Variants in VGLL4 observed in about 807,000 individuals in gnomAD.
VGLL4 encodes transcription cofactor vestigial-like protein 4.
VGLL4 carries 7 observed loss-of-function variants against 21.0 expected under a neutral mutation model. The observed-to-expected ratio is 0.33, with a 90% CI of 0.19 to 0.63. The LOEUF (loss-of-function observed/expected upper bound fraction) is 0.63, where lower values mean the gene tolerates loss of function less well. Ranked by LOEUF, VGLL4 falls within the 20% of genes least tolerant of loss-of-function variation. The pLI, the probability that VGLL4 is intolerant of heterozygous loss-of-function variation, is 0.78. For synonymous variants in VGLL4, 222 were observed against 173.2 expected, an observed-to-expected ratio of 1.28 and a Z score of -2.21; for missense variants, 394 against 425.7, an observed-to-expected ratio of 0.93 and a Z score of 0.66.
chr3:11,644,408 A>G (rs1216998632), upstream of VGLL4, among the ~76,000 whole-genome samples: 2 of 152,168 alleles, frequency 1.3e-5, no homozygotes, highest in African/African-American at 4.8e-5. Context: ...CATAATCCCC[A>G]TAACAACTGA....
At chr3:11,613,730 T>G (rs17833547) in intron 1 of VGLL4, among the ~76,000 whole-genome samples, 7 of 152,142 alleles carry the variant, frequency 4.6e-5, no homozygotes, top group Non-Finnish European at 8.8e-5. Context: ...TGCGAATCAA[T>G]GAGAATTCAT....
chr3:11,672,003 G>A (rs2076224442), intron 2 of VGLL4, among the ~76,000 whole-genome samples: 1 of 152,154 alleles, frequency 6.6e-6, no homozygotes. Context: ...TGCTTGCCAG[G>A]TAGATGCAAC....
intron 1 of VGLL4, among the ~76,000 whole-genome samples, chr3:11,717,522 T>C: frequency 8.1e-6 from 1 of 122,972 alleles, no homozygotes; most frequent in South Asian, 2.8e-4. Context: ...TTTGGTACAG[T>C]TGGGAGCCGG....
intron 2 of VGLL4, among the ~76,000 whole-genome samples, chr3:11,594,930 G>A (rs577162890): frequency 1.3e-5 from 2 of 152,368 alleles, no homozygotes; most frequent in South Asian, 4.1e-4. Context: ...GGGAGGCCGA[G>A]GCGGGCGGAT....
chr3:11,592,764 C>T (rs2074533003), intron 2 of VGLL4, among the ~76,000 whole-genome samples: 1 of 152,252 alleles, frequency 6.6e-6, no homozygotes, highest in East Asian at 1.9e-4. Context: ...TGACCCTGAA[C>T]AAGTTACAGA....
At chr3:11,712,064 T>C (rs928360277) in intron 1 of VGLL4, among the ~76,000 whole-genome samples, 2 of 152,224 alleles carry the variant, frequency 1.3e-5, no homozygotes, top group East Asian at 3.9e-4. Flanking sequence ...CACCCCTCTC[T>C]GCTCTTCTTG....
chr3:11,558,760 C>T lies in VGLL4; in HGVS notation c.687G>A (p.Glu229=), dbSNP rs1232437715. The change falls in exon 5 of 5, where the codon GAG becomes GAA. Residue 229 remains glutamate, a synonymous_variant. Transcript: ENST00000430365. The part of the protein sequence containing the change: ...FRRSLGKNYK[E]PEPAPNSVSI... ...ACACGGAGTTGGGTGCCGGCTCGGG[C>T]TCCTTGTAATTCTTGCCCAGGCTCC... 3 of 1,614,138 alleles carry T rather than the reference C, an allele frequency of 1.9e-6. No individual in the cohort carries two copies. Among genetic ancestry groups the T allele is most frequent in the Non-Finnish European group, 2.5e-6 (3 of 1,180,020 alleles).
At chr3:11,676,418 AT>A (rs2076293820) in intron 2 of VGLL4, among the ~76,000 whole-genome samples, 1 of 34,212 alleles carries the variant, frequency 2.9e-5, no homozygotes, top group African/African-American at 6.6e-5. Context: ...AAATAAAATA[AT>A]AATAATAATA....
rs190115423 is a variant in VGLL4 at position 11,715,372 on chromosome 3, C to T, written c.-14+5022G>A. 2.6e-3 allele frequency among the ~76,000 whole-genome samples: 396 copies of T among 152,150 alleles called. 2 individuals are homozygous for T. Among genetic ancestry groups the T allele is most frequent in the African/African-American group, 9.0e-3 (372 of 41,510 alleles). Reference sequence around the variant, plus strand: ...TTTTTGAGATGGAGCCTTGATCTGTCGCCTAGGCTGGAGTGCAATGGTGCG... The same window carrying T: ...TTTTTGAGATGGAGCCTTGATCTGTTGCCTAGGCTGGAGTGCAATGGTGCG... On this transcript the variant is annotated intron_variant, in intron 1 of 5. Transcript: ENST00000273038.
At chr3:11,716,556 A>G (rs2076922019) in intron 1 of VGLL4, among the ~76,000 whole-genome samples, 1 of 152,198 alleles carries the variant, frequency 6.6e-6, no homozygotes, top group African/African-American at 2.4e-5. Context: ...ACAAATTTAT[A>G]AACATGGAAC....
chr3:11,616,653 T>G lies in VGLL4; in HGVS notation c.83-14631A>C, dbSNP rs192664751. Among the ~76,000 whole-genome samples the G allele has an allele frequency of 3.3e-4, 50 of 152,282 alleles. 1 individual carries two copies. Among genetic ancestry groups the G allele is most frequent in the Admixed American group, 1.9e-3 (29 of 15,306 alleles). On this transcript the variant is annotated intron_variant, in intron 1 of 4. Coordinates refer to ENST00000430365, the MANE Select transcript of VGLL4 (RefSeq NM_001128219.3). ...TGGAACCTTTATTTAAAAGGCTAATTGTTGAATCCAGTCCTGTCTAAAGAA... is the reference window on the plus strand; with the variant it reads ...TGGAACCTTTATTTAAAAGGCTAATGGTTGAATCCAGTCCTGTCTAAAGAA...
chr3:11,564,821 T>C lies in VGLL4; in HGVS notation c.471A>G (p.Thr157=). ...CCTGCTGCCGCTCCCCCGGGGTCAG[T>C]GTGGGCGAGAGGCCGGCTGGCCTGC... ...DASRPAGLSP[T]LTPGERQQNR... is the part of the protein sequence containing the mutation. The change falls in exon 3 of 5, where the codon ACA becomes ACG. Residue 157 remains threonine, a synonymous_variant. Transcript: ENST00000430365. The C allele has an allele frequency of 6.3e-7, 1 of 1,581,950 alleles. No individual in the cohort carries two copies. The highest frequency in any genetic ancestry group is 8.6e-7 in the Non-Finnish European group (1 of 1,166,166).
chr3:11,594,500 T>C (rs2074585333), intron 2 of VGLL4, among the ~76,000 whole-genome samples: 1 of 152,094 alleles, frequency 6.6e-6, no homozygotes, highest in African/African-American at 2.4e-5. Flanking sequence ...AGGTGACACA[T>C]CCCACTCTAA....
intron 1 of VGLL4, among the ~76,000 whole-genome samples, chr3:11,639,272 C>G (rs2075643389): frequency 6.6e-6 from 1 of 152,244 alleles, no homozygotes; most frequent in Non-Finnish European, 1.5e-5. Context: ...TCCCTGGGGA[C>G]TGGCTCTGGA....
chr3:11,618,218 A>C (rs992873384), intron 1 of VGLL4, among the ~76,000 whole-genome samples: 5 of 152,204 alleles, frequency 3.3e-5, no homozygotes, highest in Non-Finnish European at 7.3e-5. Flanking sequence ...GCTAATATAC[A>C]GATATGTTGG....
At chr3:11,639,244 A>ACCTGTC (rs2075642864) in intron 1 of VGLL4, among the ~76,000 whole-genome samples, 1 of 152,218 alleles carries the variant, frequency 6.6e-6, no homozygotes. Flanking sequence ...CCGTGGTCTA[A>ACCTGTC]CCTGTCCCTG....
rs149706178 is a variant in VGLL4 at position 11,641,958 on chromosome 3, A to C, written c.82+1479T>G. 8.5e-5 allele frequency among the ~76,000 whole-genome samples: 13 copies of C among 152,252 alleles called. No homozygotes were observed. In the East Asian group the frequency reaches 2.5e-3, roughly 29 times the overall value. On this transcript the variant is annotated intron_variant, in intron 1 of 4. Coordinates refer to ENST00000430365, the MANE Select transcript of VGLL4 (RefSeq NM_001128219.3). ...TTAAAATATCGTATTACTTGTTGGC[A>C]AAGACAATACAACAGAAATTGCCTC...
intron 3 of VGLL4, among the ~76,000 whole-genome samples, chr3:11,561,543 C>T (rs568362579): frequency 6.6e-6 from 1 of 152,352 alleles, no homozygotes; most frequent in Admixed American, 6.5e-5. Flanking sequence ...ACCACCCCTC[C>T]TCCCCAGCTG....
intron 1 of VGLL4, chr3:11,703,099 A>C: frequency 6.7e-7 from 1 of 1,493,588 alleles, no homozygotes; most frequent in Non-Finnish European, 9.1e-7. Flanking sequence ...AATTCAAAAG[A>C]CTCTTAGAAT....
Sources: gnomAD v4.1 joint callset for allele counts (sites outside exome capture counted in the v4.1 genomes callset) on GRCh38, gnomAD v4.1.1 for gene constraint, MANE v1.5 for transcripts, NCBI Gene and HGNC (gene_info 2026-07-23, HGNC 2026-07-21) for gene names.